The following LRRC4C variants were observed in gnomAD, a reference collection of about 807,000 sequenced individuals.
The protein encoded by LRRC4C is leucine rich repeat containing 4C, also known as leucine-rich repeat-containing protein 4C.
Under a neutral mutation model 33.6 loss-of-function variants are expected in LRRC4C, and 5 were observed. That is an observed-to-expected ratio of 0.15 (90% CI 0.08 to 0.31). LRRC4C has a LOEUF of 0.31. LRRC4C is among the 10% of genes least tolerant of loss of function. The pLI, the probability that LRRC4C is intolerant of heterozygous loss-of-function variation, is 1.00. For missense variants in LRRC4C, 560 were observed against 796.7 expected (o/e 0.70, Z 3.58); for synonymous variants, 329 against 302.0 (o/e 1.09, Z -0.93).
chr11:41,441,093 T>G (rs868712245), intron 1 of LRRC4C, among the ~76,000 whole-genome samples: 2 of 152,212 alleles, frequency 1.3e-5, no homozygotes, highest in African/African-American at 4.8e-5. Context: ...CTATTTAATA[T>G]GCATGACTAA....
intron 3 of LRRC4C, among the ~76,000 whole-genome samples, chr11:40,565,240 CTG>C (rs1002862078): frequency 1.9e-4 from 29 of 152,156 alleles, no homozygotes; most frequent in African/African-American, 6.5e-4. Context: ...AGAAGTGAGT[CTG>C]TGCATCATAA....
intron 3 of LRRC4C, among the ~76,000 whole-genome samples, chr11:40,357,589 A>G (rs964959896): frequency 1.3e-5 from 2 of 152,076 alleles, no homozygotes; most frequent in African/African-American, 4.8e-5. Flanking sequence ...CAAATCATTT[A>G]TTTCCTTCTG....
chr11:40,160,324 T>C (rs564754659), intron 5 of LRRC4C, among the ~76,000 whole-genome samples: 1 of 152,174 alleles, frequency 6.6e-6, no homozygotes, highest in Non-Finnish European at 1.5e-5. Context: ...GGTTGTGACT[T>C]ACTATCTTCA....
chr11:40,116,387 G>A, intron 6 of LRRC4C, 53 bp from the exon 7 acceptor site: 1 of 1,491,816 alleles, frequency 6.7e-7, no homozygotes, highest in Non-Finnish European at 9.0e-7. Context: ...TATTCTAAGT[G>A]TCTTTCTGGA....
intron 5 of LRRC4C, among the ~76,000 whole-genome samples, chr11:40,241,227 A>T (rs1865904994): frequency 6.6e-6 from 1 of 152,010 alleles, no homozygotes; most frequent in Non-Finnish European, 1.5e-5. Flanking sequence ...ATGAAAAAAT[A>T]AAAAGTTAGC....
chr11:41,404,192 T>C (rs1194319425), intron 1 of LRRC4C, among the ~76,000 whole-genome samples: 1 of 152,016 alleles, frequency 6.6e-6, no homozygotes, highest in Non-Finnish European at 1.5e-5. Flanking sequence ...AATGCCAAGA[T>C]TTTTTCTTTC....
At chr11:40,422,953 A>G (rs559010187) in intron 3 of LRRC4C, among the ~76,000 whole-genome samples, 21 of 151,798 alleles carry the variant, frequency 1.4e-4, no homozygotes, top group African/African-American at 5.1e-4. Context: ...AAATTAAATA[A>G]ATAGTGTTAA....
At chr11:40,176,467 T>C (rs768747984) in intron 5 of LRRC4C, among the ~76,000 whole-genome samples, 8 of 151,842 alleles carry the variant, frequency 5.3e-5, no homozygotes, top group Non-Finnish European at 1.2e-4. Context: ...CCATGCATGA[T>C]ATTAAAGCAA....
intron 6 of LRRC4C, among the ~76,000 whole-genome samples, chr11:40,139,315 AT>A (rs892177370): frequency 1.3e-5 from 2 of 152,212 alleles, no homozygotes; most frequent in Non-Finnish European, 2.9e-5. Flanking sequence ...GAACACAGAC[AT>A]TTTTTGGACT....
chr11:40,364,305 G>A (rs1388828513), intron 3 of LRRC4C, among the ~76,000 whole-genome samples: 2 of 152,002 alleles, frequency 1.3e-5, no homozygotes, highest in Non-Finnish European at 2.9e-5. Flanking sequence ...TTAGGTAAAT[G>A]TGTTAAACCA....
At chr11:40,869,291 T>G (rs534821997) in intron 2 of LRRC4C, among the ~76,000 whole-genome samples, 34 of 152,236 alleles carry the variant, frequency 2.2e-4, no homozygotes, top group South Asian at 2.1e-3. Context: ...AGCTCTAGTA[T>G]TATTATTGAA....
chr11:41,318,483 A>G (rs978511718), intron 1 of LRRC4C, among the ~76,000 whole-genome samples: 8 of 152,144 alleles, frequency 5.3e-5, no homozygotes, highest in African/African-American at 1.4e-4. Context: ...TCTTCTCATA[A>G]GAGATTGAAG....
At chr11:40,846,517 G>A (rs1953181391) in intron 2 of LRRC4C, among the ~76,000 whole-genome samples, 1 of 152,126 alleles carries the variant, frequency 6.6e-6, no homozygotes, top group African/African-American at 2.4e-5. Flanking sequence ...TAAGGCCTCT[G>A]TTCTGTTCCA....
intron 1 of LRRC4C, among the ~76,000 whole-genome samples, chr11:41,153,999 C>T (rs1385590489): frequency 6.6e-6 from 1 of 152,110 alleles, no homozygotes; most frequent in Non-Finnish European, 1.5e-5. Flanking sequence ...AGACAGTTAC[C>T]AGAAGATGCA....
At position 40,114,919 on chromosome 11, in the gene LRRC4C, T is replaced by G; in HGVS notation, c.1374A>C (p.Thr458=). 1 of 1,614,226 alleles carries G rather than the reference T, an allele frequency of 6.2e-7. No homozygotes were observed. The highest frequency in any genetic ancestry group is 2.2e-5 in the East Asian group (1 of 44,882). ...CCTGAGACGGTTCCATAGTCTCTAC[T>G]GTGACGGTTGAAAAGTAAGAGAAAG... ...TTPFSYFSTV[T]VETMEPSQDE... is the part of the protein sequence containing the mutation. The change falls in exon 7 of 7, where the codon ACA becomes ACC. Residue 458 remains threonine, a synonymous_variant. Transcript: ENST00000528697.
At chr11:40,415,809 G>A (rs1197157143) in intron 3 of LRRC4C, among the ~76,000 whole-genome samples, 3 of 152,120 alleles carry the variant, frequency 2.0e-5, no homozygotes, top group Non-Finnish European at 4.4e-5. Context: ...TGAAAGTAGA[G>A]AGTGTGGATA....
chr11:40,772,948 C>T (rs1949821000), intron 2 of LRRC4C, among the ~76,000 whole-genome samples: 2 of 152,262 alleles, frequency 1.3e-5, no homozygotes, highest in East Asian at 1.9e-4. Flanking sequence ...TGGAAGCAAC[C>T]TAAGTGTCCA....
intron 1 of LRRC4C, among the ~76,000 whole-genome samples, chr11:40,956,530 G>A (rs1377302624): frequency 6.6e-6 from 1 of 151,750 alleles, no homozygotes. Flanking sequence ...TTTCTCATCT[G>A]TATAATGGGG....
chr11:40,317,216 G>T (rs1010326342), intron 4 of LRRC4C, among the ~76,000 whole-genome samples: 1 of 150,570 alleles, frequency 6.6e-6, no homozygotes, highest in African/African-American at 2.5e-5. Context: ...ACATCCTACT[G>T]ACTTAGGACT....
Sources: allele counts gnomAD v4.1 joint callset (sites outside exome capture counted in the v4.1 genomes callset), GRCh38; gene constraint gnomAD v4.1.1; transcripts MANE v1.5; gene names NCBI Gene and HGNC (gene_info 2026-07-23, HGNC 2026-07-21).